The following GAK variants were observed in gnomAD, a reference collection of about 807,000 sequenced individuals.
GAK encodes the protein cyclin G associated kinase, also known as cyclin-G-associated kinase.
A neutral mutation model predicts 143.9 loss-of-function variants in GAK; 79 were observed. That is an observed-to-expected ratio of 0.55 (90% CI 0.46 to 0.66). The LOEUF is 0.66. Ranked by LOEUF, GAK falls within the 30% of genes least tolerant of loss-of-function variation. The probability of loss-of-function intolerance (pLI) is 0.00; values close to 1 mark genes in which losing one functional copy is unlikely to be tolerated. For missense variants in GAK, 1,693 were observed against 1,779.7 expected, an observed-to-expected ratio of 0.95 and a Z score of 0.88; for synonymous variants, 881 against 765.5, an observed-to-expected ratio of 1.15 and a Z score of -2.49.
In GAK at chr4:865,150, C is replaced by G. The variant is rs770478502; in HGVS notation, c.3138G>C (p.Ser1046=). 6.2e-7 allele frequency: 1 copy of G among 1,610,928 alleles called. No individual in the cohort carries two copies. The highest frequency in any genetic ancestry group is 8.5e-7 in the Non-Finnish European group (1 of 1,178,554). The stretch of plus-strand genomic sequence containing the variant: ...CTGTGGCTGGCGTGGGGGCCACTGC[C>G]GATGCTGCAGTCTCGGTCCAGGCAG... The part of the protein sequence containing the change: ...GWAAWTETAA[S]AVAPTPATEG... Residue 1046 remains serine, a synonymous_variant, in exon 23 of 28, where the codon TCG becomes TCC. Coordinates refer to ENST00000314167, the MANE Select transcript of GAK (RefSeq NM_005255.4).
chr4:890,249 G>A (rs1036671230), intron 10 of GAK, among the ~76,000 whole-genome samples: 10 of 152,122 alleles, frequency 6.6e-5, no homozygotes, highest in East Asian at 1.9e-4. Context: ...ACTCGGGCCC[G>A]GTCTCCTGGG....
At chr4:874,371 G>C (rs1053373877) in intron 18 of GAK, among the ~76,000 whole-genome samples, 6 of 152,192 alleles carry the variant, frequency 3.9e-5, no homozygotes, top group African/African-American at 1.4e-4. Context: ...TTGCAGGCTT[G>C]CCTTGGATAC....
At chr4:854,273 T>C (rs767880942) in intron 24 of GAK, among the ~76,000 whole-genome samples, 4 of 152,290 alleles carry the variant, frequency 2.6e-5, no homozygotes, top group Non-Finnish European at 4.4e-5. Flanking sequence ...CTCTCGCCCA[T>C]TTTCTAACTG....
chr4:887,208 CGT>C (rs1716561089), intron 11 of GAK: 1 of 147,852 alleles, frequency 6.8e-6, no homozygotes, highest in African/African-American at 2.5e-5. Context: ...CGCACTCACG[CGT>C]ACACATGCAC....
intron 11 of GAK, chr4:886,116 T>C (rs1017579372): frequency 6.6e-6 from 1 of 152,282 alleles, no homozygotes; most frequent in Admixed American, 6.5e-5. Context: ...AAGTCAACTT[T>C]ACAAACACGA....
At chr4:921,721 G>C (rs948232539) in intron 1 of GAK, among the ~76,000 whole-genome samples, 1 of 151,120 alleles carries the variant, frequency 6.6e-6, no homozygotes, top group South Asian at 2.1e-4. Flanking sequence ...CTGAGTTTGC[G>C]TCCAAAAAGA....
intron 5 of GAK, among the ~76,000 whole-genome samples, chr4:902,693 G>A (rs550322045): frequency 6.6e-6 from 1 of 150,742 alleles, no homozygotes; most frequent in African/African-American, 2.4e-5. Context: ...AGGCTTCACA[G>A]ATAATGGAGA....
At chr4:890,161 G>C (rs923960071) in intron 10 of GAK, among the ~76,000 whole-genome samples, 1 of 152,206 alleles carries the variant, frequency 6.6e-6, no homozygotes, top group Non-Finnish European at 1.5e-5. Context: ...TGCCAGACAC[G>C]ACAATGTGAT....
chr4:866,293 T>C (rs931059842), intron 22 of GAK, 71 bp downstream of exon 22: 1 of 1,482,648 alleles, frequency 6.7e-7, no homozygotes, highest in Non-Finnish European at 9.3e-7. Flanking sequence ...CACAGCTCTG[T>C]TTCCCACCAG....
intron 6 of GAK, among the ~76,000 whole-genome samples, chr4:897,761 C>T (rs1719074068): frequency 2.0e-5 from 3 of 152,202 alleles, no homozygotes; most frequent in Admixed American, 2.0e-4. Context: ...CCATCCTGGC[C>T]AACACGGTGA....
intron 4 of GAK, among the ~76,000 whole-genome samples, chr4:907,963 A>G (rs905823445): frequency 2.0e-4 from 31 of 152,232 alleles, no homozygotes; most frequent in Non-Finnish European, 4.1e-4. Flanking sequence ...ATGCAGGGTC[A>G]GCGATGAGCC....
chr4:906,664 T>C (rs999453228), intron 4 of GAK, among the ~76,000 whole-genome samples: 7 of 152,090 alleles, frequency 4.6e-5, no homozygotes, highest in Admixed American at 1.3e-4. Context: ...GCCCCATCTT[T>C]TCAGCCCCGT....
chr4:881,783 G>T, intron 15 of GAK, 124 bp downstream of exon 15: 1 of 1,223,210 alleles, frequency 8.2e-7, no homozygotes, highest in Non-Finnish European at 1.1e-6. Flanking sequence ...GCGAGGCCGG[G>T]CCTGCCTTTC....
chr4:931,668 C>G (rs1725830280), intron 1 of GAK, among the ~76,000 whole-genome samples: 1 of 152,170 alleles, frequency 6.6e-6, no homozygotes, highest in African/African-American at 2.4e-5. Flanking sequence ...GGTCCCCACC[C>G]AAGCTCCCTG....
Position 867,299 on chromosome 4 carries a change from G to A in GAK, c.2529C>T (p.Pro843=), listed in dbSNP as rs144444649. ...GSPISSEGQE[P]RADPEPPGLA... ...GGCCGGGGGGCTCTGGGTCGGCCCT[G>A]GGTTCCTGGCCCTCGCTGGAGATCG... Residue 843 remains proline, a synonymous_variant, in exon 21 of 28, where the codon CCC becomes CCT. Coordinates refer to ENST00000314167, the MANE Select transcript of GAK (RefSeq NM_005255.4). 8.7e-6 allele frequency: 14 copies of A among 1,612,474 alleles called. No homozygotes were observed. In the African/African-American group the frequency reaches 1.7e-4, roughly 20 times the overall value.
At chr4:849,821 C>G (rs751692908) in intron 27 of GAK, 47 bp from the exon 28 acceptor site, 10 of 1,435,280 alleles carry the variant, frequency 7.0e-6, no homozygotes, top group Non-Finnish European at 8.5e-6. Context: ...CATGCGGGGG[C>G]GGGCGGGGCA....
intron 24 of GAK, among the ~76,000 whole-genome samples, chr4:858,965 C>T (rs1011641046): frequency 6.6e-5 from 10 of 152,350 alleles, no homozygotes; most frequent in East Asian, 5.8e-4. Flanking sequence ...GCATTCCACC[C>T]GACGGCCAGG....
At chr4:865,718 C>T (rs1430648535) in intron 22 of GAK, among the ~76,000 whole-genome samples, 2 of 152,248 alleles carry the variant, frequency 1.3e-5, no homozygotes, top group Non-Finnish European at 1.5e-5. Context: ...CTGCACTCCA[C>T]ACACCCGCCC....
At chr4:855,675 T>C (rs751144800) in intron 24 of GAK, among the ~76,000 whole-genome samples, 20 of 152,164 alleles carry the variant, frequency 1.3e-4, no homozygotes, top group Non-Finnish European at 2.8e-4. Flanking sequence ...TGGTTAAAAA[T>C]GATATTGGCT....
Sources: gnomAD v4.1 joint callset for allele counts (sites outside exome capture counted in the v4.1 genomes callset) on GRCh38, gnomAD v4.1.1 for gene constraint, MANE v1.5 for transcripts, NCBI Gene and HGNC (gene_info 2026-07-23, HGNC 2026-07-21) for gene names.